Variants in CACNA1B observed in about 807,000 individuals in gnomAD.
The protein encoded by CACNA1B is calcium voltage-gated channel subunit alpha1 B.
In CACNA1B, 70 loss-of-function variants were observed where a neutral mutation model predicts 247.2. The observed-to-expected ratio is 0.28, with a 90% CI of 0.23 to 0.35. The LOEUF (loss-of-function observed/expected upper bound fraction) is 0.35, where lower values mean the gene tolerates loss of function less well. Ranked by LOEUF, CACNA1B falls within the 10% of genes least tolerant of loss-of-function variation. CACNA1B has a pLI of 1.00. For missense variants in CACNA1B, 2,367 were observed against 3,197.4 expected (o/e 0.74, Z 6.26); for synonymous variants, 1,231 against 1,294.4 (o/e 0.95, Z 1.05).
At chr9:137,931,498 C>T (rs1671295337) in intron 6 of CACNA1B, among the ~76,000 whole-genome samples, 1 of 151,996 alleles carries the variant, frequency 6.6e-6, no homozygotes. Flanking sequence ...TGATTTAGTT[C>T]TAGGAAGTCA....
intron 39 of CACNA1B, among the ~76,000 whole-genome samples, chr9:138,110,552 C>A (rs1356409610): frequency 6.6e-6 from 1 of 152,164 alleles, no homozygotes; most frequent in East Asian, 1.9e-4. Flanking sequence ...CAAAGTGAGG[C>A]TCTGTCTCTA....
intron 3 of CACNA1B, among the ~76,000 whole-genome samples, chr9:137,904,298 A>G (rs567894790): frequency 7.0e-6 from 1 of 143,498 alleles, no homozygotes; most frequent in South Asian, 2.2e-4. Context: ...AAGAATTAGC[A>G]TTTCTTTCTT....
Position 138,105,237 on chromosome 9 carries a change from A to G in CACNA1B, c.5320-462A>G, listed in dbSNP as rs77016695. 3.0e-3 allele frequency among the ~76,000 whole-genome samples: 456 copies of G among 152,346 alleles called. 1 individual carries two copies. Among genetic ancestry groups the G allele is most frequent in the Non-Finnish European group, 5.6e-3 (381 of 68,022 alleles). On this transcript the variant is annotated intron_variant, in intron 38 of 46. Transcript: ENST00000371372. ...GGGCCCCCACTGGGAGCTGGGCCCC[A>G]GAGAGGCACCCTGGACCACCTACTC...
chr9:137,934,413 A>G (rs1163374636), intron 6 of CACNA1B, among the ~76,000 whole-genome samples: 1 of 152,206 alleles, frequency 6.6e-6, no homozygotes, highest in Non-Finnish European at 1.5e-5. Context: ...TTTGGAGATC[A>G]TGGCAGACGG....
At chr9:137,948,480 T>C (rs1180203534) in intron 6 of CACNA1B, among the ~76,000 whole-genome samples, 2 of 152,244 alleles carry the variant, frequency 1.3e-5, no homozygotes, top group East Asian at 1.9e-4. Flanking sequence ...TCTCTTGTTA[T>C]GCATTTTCAT....
intron 20 of CACNA1B, among the ~76,000 whole-genome samples, chr9:138,041,517 T>C (rs1959122327): frequency 6.6e-6 from 1 of 152,064 alleles, no homozygotes; most frequent in Non-Finnish European, 1.5e-5. Flanking sequence ...TCTCCAACAA[T>C]GACTTTAGTC....
chr9:137,949,104 G>GTATC (rs1564203154), intron 6 of CACNA1B, among the ~76,000 whole-genome samples: 26 of 1,376 alleles, frequency 0.019, no homozygotes, highest in Admixed American at 0.033. Flanking sequence ...GTGCATGTTT[G>GTATC]TGGTGGCTGT....
intron 37 of CACNA1B, among the ~76,000 whole-genome samples, chr9:138,099,718 G>A (rs1320743505): frequency 6.6e-6 from 1 of 152,044 alleles, no homozygotes; most frequent in Non-Finnish European, 1.5e-5. Context: ...GCACATGTCT[G>A]TGGTGTACAC....
chr9:138,012,139 A>C lies in CACNA1B; in HGVS notation c.2161-990A>C, dbSNP rs888743068. On this transcript the variant is annotated intron_variant, in intron 17 of 46. Transcript: ENST00000371372. This position sits in a 1 kb window ranked among gnomAD's most constrained non-coding sequence, Gnocchi z 4.2. ...AGCCATGTGAAGTTCAGGGCCAGGC[A>C]CTGCAAGTGGTCACCCAGGAGTGGG... Among the ~76,000 whole-genome samples the C allele has an allele frequency of 6.6e-6, 1 of 152,246 alleles. No homozygotes were observed. The highest frequency in any genetic ancestry group is 1.5e-5 in the Non-Finnish European group (1 of 68,036).
rs1450061002 is a variant in CACNA1B, at chr9:138,052,556, C to G, written c.3807+368C>G. On this transcript the variant is annotated intron_variant, in intron 25 of 46. Coordinates refer to ENST00000371372, the MANE Select transcript of CACNA1B (RefSeq NM_000718.4). The surrounding 1 kb of genome is among the most constrained non-coding windows in gnomAD (Gnocchi z 5.1). ...AGGGGGACAGGCATGGGCTGAGCTTCTGGATAAAGACAGAGAATAAACTCA... is the reference window on the plus strand; with the variant it reads ...AGGGGGACAGGCATGGGCTGAGCTTGTGGATAAAGACAGAGAATAAACTCA... 2.0e-5 allele frequency among the ~76,000 whole-genome samples: 3 copies of G among 152,128 alleles called. No individual in the cohort carries two copies. The highest frequency in any genetic ancestry group is 6.5e-5 in the Admixed American group (1 of 15,268).
rs577706253 is a variant in CACNA1B, at chr9:138,038,568, A to G, written c.3287-5206A>G. Among the ~76,000 whole-genome samples the G allele has an allele frequency of 2.0e-5, 3 of 152,332 alleles. No homozygotes were observed. In the South Asian group the frequency reaches 6.2e-4, roughly 32 times the overall value. Reference sequence around the variant, plus strand: ...AAGGTGGCACTTAGCCAGTGAAGGGAAAGTGCAGGTGCAGGAGAGCCAGCT... The same window carrying G: ...AAGGTGGCACTTAGCCAGTGAAGGGGAAGTGCAGGTGCAGGAGAGCCAGCT... On this transcript the variant is annotated intron_variant, in intron 20 of 46. Transcript: ENST00000371372.
intron 20 of CACNA1B, among the ~76,000 whole-genome samples, chr9:138,025,611 C>T (rs1277430027): frequency 6.6e-6 from 1 of 152,194 alleles, no homozygotes; most frequent in Non-Finnish European, 1.5e-5. Flanking sequence ...ACTGCGTCTG[C>T]CCATTTGTTC....
chr9:137,966,141 C>T (rs181144825), intron 10 of CACNA1B, among the ~76,000 whole-genome samples: 1 of 152,072 alleles, frequency 6.6e-6, no homozygotes, highest in East Asian at 1.9e-4. Flanking sequence ...TTGCCTGGTA[C>T]CTTTCTTTTC....
Position 138,058,766 on chromosome 9 carries a change from C to T in CACNA1B, c.4473+33C>T, listed in dbSNP as rs199504633. On this transcript the variant is annotated intron_variant, in intron 29 of 46. Transcript: ENST00000371372. The surrounding 1 kb of genome is among the most constrained non-coding windows in gnomAD (Gnocchi z 4.7). The stretch of plus-strand genomic sequence containing the variant: ...GGGCTCAGCGCAGAGGGGCAGCTGG[C>T]GCTGCTAGGGATTGGGATCTAACCC... 30 of 1,565,738 alleles carry T rather than the reference C, an allele frequency of 1.9e-5. No individual in the cohort carries two copies. Among genetic ancestry groups the T allele is most frequent in the Admixed American group, 5.6e-5 (3 of 53,164 alleles).
intron 6 of CACNA1B, among the ~76,000 whole-genome samples, chr9:137,921,430 C>G (rs1459870170): frequency 6.6e-6 from 1 of 152,198 alleles, no homozygotes; most frequent in Non-Finnish European, 1.5e-5. Context: ...ACCACGACCG[C>G]ACAGCATCCT....
Position 137,897,661 on chromosome 9 carries a change from C to T in CACNA1B, c.530+14778C>T, listed in dbSNP as rs187869209. On this transcript the variant is annotated intron_variant, in intron 3 of 46. Coordinates refer to ENST00000371372, the MANE Select transcript of CACNA1B (RefSeq NM_000718.4). ...TACACATTTTAATATGTTGTATTTT[C>T]GATTTAATTCAATTCCGTGTATTTT... Among the ~76,000 whole-genome samples, 31 of 152,230 alleles carry T rather than the reference C, an allele frequency of 2.0e-4. No individual in the cohort carries two copies. The South Asian group carries it at 2.1e-3, about 10-fold the overall frequency.
At chr9:137,909,767 T>G (rs1313513228) in intron 3 of CACNA1B, among the ~76,000 whole-genome samples, 3 of 152,190 alleles carry the variant, frequency 2.0e-5, no homozygotes, top group Non-Finnish European at 4.4e-5. Context: ...TTAACTTTTT[T>G]TTTTCATTTT....
At chr9:138,107,683 A>G (rs1961479630) in intron 39 of CACNA1B, among the ~76,000 whole-genome samples, 2 of 151,778 alleles carry the variant, frequency 1.3e-5, no homozygotes, top group South Asian at 4.2e-4. Context: ...CAGAGTGATC[A>G]GGTTAAAAAA....
At chr9:137,989,530 C>T (rs1042712149) in intron 15 of CACNA1B, among the ~76,000 whole-genome samples, 5 of 152,206 alleles carry the variant, frequency 3.3e-5, no homozygotes, top group Non-Finnish European at 7.3e-5. Flanking sequence ...AAATTGTGAT[C>T]TCAAGAAAAT....
Sources: gnomAD v4.1 joint callset for allele counts (sites outside exome capture counted in the v4.1 genomes callset) on GRCh38, gnomAD v4.1.1 for gene constraint, Gnocchi (gnomAD v3.1) non-coding constraint, MANE v1.5 for transcripts, NCBI Gene and HGNC (gene_info 2026-07-23, HGNC 2026-07-21) for gene names.